The following ITGB2 variants were observed in gnomAD, a reference collection of about 807,000 sequenced individuals.
ITGB2 encodes the protein integrin beta-2.
A neutral mutation model predicts 86.8 loss-of-function variants in ITGB2; 56 were observed. The ratio of observed to expected loss-of-function variants is 0.65; its 90% CI spans 0.52 to 0.81. The LOEUF (loss-of-function observed/expected upper bound fraction) is 0.81, where lower values mean the gene tolerates loss of function less well. Ranked by LOEUF, ITGB2 falls within the 30% of genes least tolerant of loss-of-function variation. ITGB2 has a pLI of 0.00. For missense variants in ITGB2, 948 were observed against 1,061.2 expected, an observed-to-expected ratio of 0.89 and a Z score of 1.48; for synonymous variants, 457 against 450.4, an observed-to-expected ratio of 1.01 and a Z score of -0.19.
intron 1 of ITGB2, among the ~76,000 whole-genome samples, chr21:44,919,777 G>C (rs1292579304): frequency 1.3e-5 from 2 of 152,180 alleles, no homozygotes; most frequent in Non-Finnish European, 2.9e-5. Context: ...GCCCCGGATG[G>C]ACAGGGACAG....
At chr21:44,912,404 G>T (rs907480948) in intron 1 of ITGB2, among the ~76,000 whole-genome samples, 1 of 152,240 alleles carries the variant, frequency 6.6e-6, no homozygotes, top group Non-Finnish European at 1.5e-5. Flanking sequence ...CCCATCTGAG[G>T]ATCCCACAGC....
intron 1 of ITGB2, among the ~76,000 whole-genome samples, chr21:44,913,549 G>C (rs1284149009): frequency 6.6e-6 from 1 of 152,168 alleles, no homozygotes; most frequent in Admixed American, 6.5e-5. Context: ...AGCAGCCCTG[G>C]GGGGCTTGGA....
chr21:44,903,400 C>A lies in ITGB2; in HGVS notation c.464G>T (p.Arg155Leu), dbSNP rs778870549. The change falls in exon 5 of 16, where the codon CGG becomes CTG. Residue 155 changes from arginine to leucine, a missense_variant. Arg to Leu is a moderately radical substitution (Grantham distance 102). Transcript: ENST00000652462. ...GGACTCGGTGATCTCGTTGAGGGCC[C>A]GGAGCAGGTCGCCACCTAGCTTCTT... ...NVKKLGGDLL[R>L]ALNEITESGR... The A allele has an allele frequency of 6.2e-7, 1 of 1,614,040 alleles. No individual in the cohort carries two copies. Among genetic ancestry groups the A allele is most frequent in the South Asian group, 1.1e-5 (1 of 91,080 alleles).
chr21:44,899,941 G>A (rs1251896578), intron 7 of ITGB2, among the ~76,000 whole-genome samples: 1 of 152,254 alleles, frequency 6.6e-6, no homozygotes, highest in African/African-American at 2.4e-5. Flanking sequence ...GGAGGGGGAG[G>A]AGGCGGATGC....
upstream of ITGB2, among the ~76,000 whole-genome samples, chr21:44,924,717 C>A (rs1010278206): frequency 5.9e-5 from 9 of 152,054 alleles, no homozygotes; most frequent in Non-Finnish European, 8.8e-5. Context: ...AAAAGTGGAC[C>A]CAAATATAGC....
chr21:44,914,447 G>A (rs1183404127), intron 1 of ITGB2, among the ~76,000 whole-genome samples: 1 of 152,144 alleles, frequency 6.6e-6, no homozygotes, highest in African/African-American at 2.4e-5. Context: ...GGGGCCGGGC[G>A]CCCTTCCCTC....
chr21:44,906,980 T>G lies in ITGB2; in HGVS notation c.263A>C (p.Gln88Pro), dbSNP rs1425177748. ...CTTCTGGCCCCCATTGTGGTCTTCC[T>G]GGGTTTCAGCGAGGCTTGTGGGGTC... ...IMDPTSLAET[Q>P]EDHNGGQKQL... Residue 88 changes from glutamine (Q) to proline (P), a missense_variant, in exon 4 of 16, where the codon CAG becomes CCG. By Grantham distance (76) the Gln-to-Pro change is moderately conservative. Coordinates refer to ENST00000652462, the MANE Select transcript of ITGB2 (RefSeq NM_000211.5). The G allele has an allele frequency of 1.9e-6, 3 of 1,614,206 alleles. No homozygotes were observed. Among genetic ancestry groups the G allele is most frequent in the Non-Finnish European group, 2.5e-6 (3 of 1,180,024 alleles).
Position 44,910,608 on chromosome 21 carries a change from G to A in ITGB2, c.58+117C>T, listed in dbSNP as rs763926609. On this transcript the variant is annotated intron_variant, in intron 2 of 15. Coordinates refer to ENST00000652462, the MANE Select transcript of ITGB2 (RefSeq NM_000211.5). The stretch of plus-strand genomic sequence containing the variant: ...CTGAGTCCCCGACCTACCCCCAGTG[G>A]CAAGGTCCTTCCCCAGCCTCCCGGG... 1.9e-5 allele frequency: 27 copies of A among 1,403,212 alleles called. No individual in the cohort carries two copies. In the South Asian group the frequency reaches 3.3e-4, roughly 17 times the overall value. 86.9% of individuals were successfully genotyped at this position (1,403,212 alleles called of 1,614,324 possible). A position where few individuals can be genotyped will look rare whatever the true frequency, so the allele number is the denominator to read the frequency against.
intron 1 of ITGB2, among the ~76,000 whole-genome samples, chr21:44,912,908 C>T (rs1457762069): frequency 4.4e-4 from 1 of 2,280 alleles, no homozygotes; most frequent in African/African-American, 2.3e-3. Context: ...AGGGTCCAGC[C>T]GGCTTCAGGA....
chr21:44,907,188 C>T, intron 3 of ITGB2, 93 bp from the exon 4 acceptor site: 1 of 901,102 alleles, frequency 1.1e-6, no homozygotes. Context: ...CCACCCTGTC[C>T]CCTCCTCCTC....
At chr21:44,904,049 G>A (rs2084006496) in intron 4 of ITGB2, among the ~76,000 whole-genome samples, 1 of 152,156 alleles carries the variant, frequency 6.6e-6, no homozygotes, top group African/African-American at 2.4e-5. Context: ...TTGTGTAGCT[G>A]TCTGTTTACC....
intron 13 of ITGB2, 68 bp from the exon 14 acceptor site, chr21:44,888,963 T>G: frequency 6.7e-7 from 1 of 1,487,748 alleles, no homozygotes; most frequent in African/African-American, 1.4e-5. Context: ...GGGCTCGGGC[T>G]TGGGTGTGTG....
chr21:44,890,171 C>G lies in ITGB2; in HGVS notation c.1464G>C (p.Arg488=). Residue 488 remains arginine (R), a synonymous_variant, in exon 12 of 16, where the codon CGG becomes CGC. Transcript: ENST00000652462. ...GKNCECQTQG[R]SSQELEGSCR... ...AGCTTCCTTCCAGCTCCTGGCTGCT[C>G]CGGCCCTGTGTCTGGCACTCACAGT... 1.2e-6 allele frequency: 2 copies of G among 1,613,292 alleles called. No homozygotes were observed. Among genetic ancestry groups the G allele is most frequent in the Non-Finnish European group, 1.7e-6 (2 of 1,180,014 alleles).
intron 3 of ITGB2, among the ~76,000 whole-genome samples, chr21:44,907,812 A>G (rs1419867706): frequency 6.6e-6 from 1 of 152,088 alleles, no homozygotes; most frequent in African/African-American, 2.4e-5. Flanking sequence ...TCCCGCAGGC[A>G]GGGGGGCAGG....
intron 14 of ITGB2, among the ~76,000 whole-genome samples, chr21:44,888,209 C>T (rs965018996): frequency 4.6e-5 from 7 of 152,208 alleles, no homozygotes; most frequent in Admixed American, 1.3e-4. Context: ...GGACTGGAGC[C>T]GAACGAGTGA....
chr21:44,918,336 G>A (rs149370851), intron 1 of ITGB2, among the ~76,000 whole-genome samples: 474 of 152,364 alleles, frequency 3.1e-3, no homozygotes, highest in African/African-American at 0.01. Flanking sequence ...CGCCACAGGC[G>A]TCACGCTGCC....
intron 1 of ITGB2, chr21:44,927,767 G>C (rs1369246885): frequency 1.3e-5 from 2 of 152,212 alleles, no homozygotes; most frequent in Non-Finnish European, 2.9e-5. Flanking sequence ...CCCTGGAGGC[G>C]AGTGGGGAGG....
At position 44,889,981 on chromosome 21, in the gene ITGB2, G is replaced by A. The variant is rs2083762330; in HGVS notation, c.1654C>T (p.Pro552Ser). ...ERYNGQVCGG[P>S]GRGLCFCGKC... is the part of the protein sequence containing the mutation. ...CAGCAGGGACCCACGGGCTCACCCGGGCCGCCGCAGACCTGGCCGTTGTAG... is the reference window on the plus strand; with the variant it reads ...CAGCAGGGACCCACGGGCTCACCCGAGCCGCCGCAGACCTGGCCGTTGTAG... The change falls in exon 12 of 16, where the codon CCG becomes TCG. Residue 552 changes from proline (P) to serine (S), a missense_variant. Transcript: ENST00000652462. The A allele has an allele frequency of 1.9e-6, 3 of 1,612,910 alleles. No individual in the cohort carries two copies. Among genetic ancestry groups the A allele is most frequent in the Non-Finnish European group, 2.5e-6 (3 of 1,179,992 alleles).
Position 44,886,551 on chromosome 21 carries a change from G to GC in ITGB2, c.2248-122dup, listed in dbSNP as rs552613631. ...TTGAGGAAGAGCTAGACGTGGGGCA[G>GC]CCCCCCCAGGGTCCCAGCACCGGCA... On this transcript the variant is annotated intron_variant, in intron 15 of 15. Coordinates refer to ENST00000652462, the MANE Select transcript of ITGB2 (RefSeq NM_000211.5). 57 of 1,394,768 alleles carry GC rather than the reference G, an allele frequency of 4.1e-5. 1 individual carries two copies. Among genetic ancestry groups the GC allele is most frequent in the Middle Eastern group, 1.8e-4 (1 of 5,476 alleles). 86.4% of individuals were successfully genotyped at this position (1,394,768 alleles called of 1,614,324 possible).
Sources: allele counts gnomAD v4.1 joint callset (sites outside exome capture counted in the v4.1 genomes callset), GRCh38; gene constraint gnomAD v4.1.1; transcripts MANE v1.5; gene names NCBI Gene and HGNC (gene_info 2026-07-23, HGNC 2026-07-21).